The following ADGRL4 variants were observed in gnomAD, a reference collection of about 807,000 sequenced individuals.
ADGRL4 encodes the protein adhesion G protein-coupled receptor L4.
A neutral mutation model predicts 74.8 loss-of-function variants in ADGRL4; 90 were observed. The observed-to-expected ratio is 1.20, with a 90% CI of 1.02 to 1.43. The LOEUF (loss-of-function observed/expected upper bound fraction) is 1.43, where lower values mean the gene tolerates loss of function less well. ADGRL4 is among the 40% of genes most tolerant of loss of function. The pLI is 0.00. For synonymous variants in ADGRL4, 311 were observed against 279.2 expected, an observed-to-expected ratio of 1.11 and a Z score of -1.14; for missense variants, 881 against 814.3, an observed-to-expected ratio of 1.08 and a Z score of -1.00.
intron 2 of ADGRL4, among the ~76,000 whole-genome samples, chr1:78,968,937 G>C (rs1281620125): frequency 6.6e-6 from 1 of 152,198 alleles, no homozygotes; most frequent in Non-Finnish European, 1.5e-5. Context: ...AAGTGTACAG[G>C]ACTTATGAGG....
chr1:78,975,974 C>A (rs1650269258), intron 2 of ADGRL4, among the ~76,000 whole-genome samples: 1 of 151,848 alleles, frequency 6.6e-6, no homozygotes, highest in Admixed American at 6.6e-5. Context: ...CATCAAAAAA[C>A]AGTAATCCCT....
intron 7 of ADGRL4, among the ~76,000 whole-genome samples, chr1:78,933,446 A>G (rs1649288262): frequency 6.6e-6 from 1 of 151,476 alleles, no homozygotes; most frequent in Admixed American, 6.6e-5. Context: ...CATAAGAGCT[A>G]TTTATGACAA....
intron 2 of ADGRL4, among the ~76,000 whole-genome samples, chr1:78,992,745 A>G (rs1019344189): frequency 3.3e-5 from 5 of 152,122 alleles, no homozygotes; most frequent in African/African-American, 1.2e-4. Context: ...TTTATGCCAG[A>G]CAAATTTGAT....
intron 2 of ADGRL4, among the ~76,000 whole-genome samples, chr1:78,958,104 G>A (rs114122532): frequency 0.013 from 1,978 of 151,802 alleles, 53 homozygotes; most frequent in African/African-American, 0.045. Flanking sequence ...AAAACAGTGG[G>A]CCTACTTCTC....
At chr1:78,974,745 A>G (rs1448743063) in intron 2 of ADGRL4, among the ~76,000 whole-genome samples, 2 of 152,202 alleles carry the variant, frequency 1.3e-5, no homozygotes, top group East Asian at 3.9e-4. Flanking sequence ...TTTCAAAGCC[A>G]GAAATGGCTG....
At chr1:79,002,335 C>T (rs1040681448) in intron 2 of ADGRL4, among the ~76,000 whole-genome samples, 3 of 152,084 alleles carry the variant, frequency 2.0e-5, no homozygotes, top group African/African-American at 7.2e-5. Flanking sequence ...TATAACCATA[C>T]AACGTTTTGA....
chr1:78,945,177 A>AATATATAT (rs36107474), intron 3 of ADGRL4, among the ~76,000 whole-genome samples: 49 of 127,808 alleles, frequency 3.8e-4, no homozygotes, highest in East Asian at 5.5e-4. Flanking sequence ...AAAAAAAAAA[A>AATATATAT]ATATATATAT....
chr1:78,947,300 G>C (rs1649623362), intron 2 of ADGRL4, among the ~76,000 whole-genome samples: 1 of 152,156 alleles, frequency 6.6e-6, no homozygotes, highest in South Asian at 2.1e-4. Context: ...CGATTATGGT[G>C]GGCGCTAATT....
At chr1:78,903,213 A>G (rs1243318217) in intron 12 of ADGRL4, among the ~76,000 whole-genome samples, 2 of 152,180 alleles carry the variant, frequency 1.3e-5, no homozygotes, top group African/African-American at 4.8e-5. Flanking sequence ...CTTTCAGCCT[A>G]CTGCATCATA....
chr1:78,971,255 T>G (rs1650160154), intron 2 of ADGRL4, among the ~76,000 whole-genome samples: 1 of 152,324 alleles, frequency 6.6e-6, no homozygotes, highest in African/African-American at 2.4e-5. Context: ...ATCCTTATTC[T>G]GACAGCAGTT....
chr1:78,982,663 T>C (rs1432664245), intron 2 of ADGRL4, among the ~76,000 whole-genome samples: 1 of 151,738 alleles, frequency 6.6e-6, no homozygotes, highest in East Asian at 1.9e-4. Flanking sequence ...CATCTAGAAA[T>C]GCTAGATAAA....
intron 2 of ADGRL4, among the ~76,000 whole-genome samples, chr1:78,995,820 A>C (rs1376278219): frequency 1.3e-5 from 2 of 152,202 alleles, no homozygotes; most frequent in African/African-American, 4.8e-5. Flanking sequence ...TTACGATGGG[A>C]ATCTTAGTAG....
At chr1:78,967,118 C>G (rs959814792) in intron 2 of ADGRL4, among the ~76,000 whole-genome samples, 7 of 152,238 alleles carry the variant, frequency 4.6e-5, no homozygotes, top group Non-Finnish European at 7.4e-5. Context: ...TGGTACCTTT[C>G]AGTTCACATG....
intron 7 of ADGRL4, among the ~76,000 whole-genome samples, chr1:78,935,473 G>A (rs75221519): frequency 0.039 from 5,873 of 151,490 alleles, 151 homozygotes; most frequent in Middle Eastern, 0.058. Flanking sequence ...CATGGCTCAC[G>A]TATAACTGTG....
rs1649598522 is a variant in ADGRL4, at chr1:78,946,261, T to C, written c.325+13A>G. 2 of 1,589,040 alleles carry C rather than the reference T, an allele frequency of 1.3e-6. No homozygotes were observed. Among genetic ancestry groups the C allele is most frequent in the Non-Finnish European group, 1.7e-6 (2 of 1,170,898 alleles). On this transcript the variant is annotated intron_variant, in intron 3 of 14. Coordinates refer to ENST00000370742, the MANE Select transcript of ADGRL4 (RefSeq NM_022159.4). ...AGATATATACAAATTCTAACTTAGA[T>C]AACCGAACTTACCTATACAGACGGT...
chr1:78,910,413 T>C (rs193281289), intron 12 of ADGRL4, among the ~76,000 whole-genome samples: 2 of 151,936 alleles, frequency 1.3e-5, no homozygotes, highest in African/African-American at 2.4e-5. Flanking sequence ...AGAGTAGTGA[T>C]ACAGCAACAC....
chr1:79,006,438 C>T (rs2100747562), intron 1 of ADGRL4, among the ~76,000 whole-genome samples, 195 bp downstream of exon 1: 1 of 152,266 alleles, frequency 6.6e-6, no homozygotes, highest in East Asian at 1.9e-4. Context: ...GGTAACATTC[C>T]CTGGACCTTG....
chr1:78,968,191 C>G (rs943818271), intron 2 of ADGRL4, among the ~76,000 whole-genome samples: 3 of 152,004 alleles, frequency 2.0e-5, no homozygotes, highest in African/African-American at 7.2e-5. Flanking sequence ...TCACTGTAAG[C>G]TACAGAGATA....
intron 7 of ADGRL4, among the ~76,000 whole-genome samples, chr1:78,934,311 C>G (rs569502298): frequency 6.6e-6 from 1 of 152,256 alleles, no homozygotes; most frequent in Non-Finnish European, 1.5e-5. Flanking sequence ...GAAAGGATCT[C>G]TTATTCAATA....
Sources: allele counts gnomAD v4.1 joint callset (sites outside exome capture counted in the v4.1 genomes callset), GRCh38; gene constraint gnomAD v4.1.1; transcripts MANE v1.5; gene names NCBI Gene and HGNC (gene_info 2026-07-23, HGNC 2026-07-21).